Variants in TMEM117 observed in about 807,000 individuals in gnomAD.
The protein encoded by TMEM117 is transmembrane protein 117.
Under a neutral mutation model 52.4 loss-of-function variants are expected in TMEM117, and 27 were observed. The observed-to-expected ratio is 0.51, with a 90% CI of 0.38 to 0.71. The LOEUF is 0.71. Among genes scored for constraint, TMEM117 ranks in the 30% least tolerant of loss-of-function variants. The probability of loss-of-function intolerance (pLI) is 0.00; values close to 1 mark genes in which losing one functional copy is unlikely to be tolerated. For synonymous variants in TMEM117, 215 were observed against 206.3 expected, an observed-to-expected ratio of 1.04 and a Z score of -0.36; for missense variants, 556 against 630.5, an observed-to-expected ratio of 0.88 and a Z score of 1.26.
chr12:44,076,110 A>G (rs1247878095), intron 3 of TMEM117, among the ~76,000 whole-genome samples: 3 of 152,240 alleles, frequency 2.0e-5, no homozygotes, highest in African/African-American at 2.4e-5. Context: ...GATGCCAGGT[A>G]GTACCTCAGG....
chr12:44,265,643 T>C (rs1379790385), intron 5 of TMEM117, among the ~76,000 whole-genome samples: 3 of 152,150 alleles, frequency 2.0e-5, no homozygotes, highest in African/African-American at 4.8e-5. Flanking sequence ...TTTTAAACTA[T>C]ACAATTTAGT....
intron 4 of TMEM117, among the ~76,000 whole-genome samples, chr12:44,158,221 T>C (rs1323740217): frequency 1.3e-5 from 2 of 152,208 alleles, no homozygotes; most frequent in South Asian, 2.1e-4. Context: ...CTCTGCGTTA[T>C]GTTTCCACAA....
intron 4 of TMEM117, among the ~76,000 whole-genome samples, chr12:44,152,227 ATATAAT>A (rs1948744334): frequency 9.2e-6 from 1 of 109,046 alleles, no homozygotes; most frequent in African/African-American, 3.8e-5. Context: ...TATATTATAA[ATATAAT>A]TATATATATA....
At chr12:44,160,491 A>T (rs1948884387) in intron 4 of TMEM117, among the ~76,000 whole-genome samples, 1 of 152,320 alleles carries the variant, frequency 6.6e-6, no homozygotes, top group African/African-American at 2.4e-5. Flanking sequence ...GTATTGAATA[A>T]GTTGGATTTC....
intron 5 of TMEM117, among the ~76,000 whole-genome samples, chr12:44,264,700 G>A (rs948326737): frequency 2.0e-5 from 3 of 151,836 alleles, no homozygotes; most frequent in African/African-American, 7.3e-5. Context: ...GCTTTTTCTA[G>A]GTAACATAAA....
At chr12:44,214,138 A>ATTTTTTTTTTTT in intron 5 of TMEM117, among the ~76,000 whole-genome samples, 1 of 99,278 alleles carries the variant, frequency 1.0e-5, no homozygotes, top group Non-Finnish European at 2.1e-5. Context: ...TTTTTTTTTA[A>ATTTTTTTTTTTT]TTTTTTTTTT....
intron 6 of TMEM117, among the ~76,000 whole-genome samples, chr12:44,311,787 GTATATATATGTATATATGTATATATGTA>G (rs1565701307): frequency 8.2e-4 from 16 of 19,434 alleles, no homozygotes; most frequent in South Asian, 4.9e-3. Context: ...GTGTATATAT[GTATATATATGTATATATGTATATATGTA>G]TATATATGTA....
intron 3 of TMEM117, among the ~76,000 whole-genome samples, chr12:44,014,852 A>G (rs1361413103): frequency 4.7e-5 from 7 of 150,090 alleles, no homozygotes; most frequent in African/African-American, 1.2e-4. Context: ...TTTTTTTTCT[A>G]TGTTCTGTGA....
chr12:43,996,852 T>A (rs925013374), intron 3 of TMEM117, among the ~76,000 whole-genome samples: 6 of 151,972 alleles, frequency 3.9e-5, no homozygotes, highest in Non-Finnish European at 7.4e-5. Context: ...AGGAAAAAAA[T>A]TTTAACTTGG....
intron 5 of TMEM117, among the ~76,000 whole-genome samples, chr12:44,214,637 A>T (rs1949692574): frequency 6.6e-6 from 1 of 152,198 alleles, no homozygotes; most frequent in African/African-American, 2.4e-5. Flanking sequence ...CTTTCTGTAA[A>T]ATTATTAATA....
intron 3 of TMEM117, among the ~76,000 whole-genome samples, chr12:43,954,576 A>G (rs910334666): frequency 1.3e-5 from 2 of 152,138 alleles, no homozygotes; most frequent in African/African-American, 4.8e-5. Flanking sequence ...GGACCCATAA[A>G]CCCTCCTAAG....
intron 1 of TMEM117, among the ~76,000 whole-genome samples, chr12:43,841,104 C>G (rs1369972158): frequency 6.6e-6 from 1 of 152,110 alleles, no homozygotes; most frequent in Non-Finnish European, 1.5e-5. Context: ...AAATTTGGGA[C>G]CCTCTAGAAG....
intron 3 of TMEM117, among the ~76,000 whole-genome samples, chr12:43,996,657 T>TAAATAAAC (rs959498019): frequency 6.6e-6 from 1 of 151,398 alleles, no homozygotes; most frequent in Non-Finnish European, 1.5e-5. Flanking sequence ...AATAAATAAA[T>TAAATAAAC]AAATAAATAA....
At chr12:44,272,286 C>T (rs1950455961) in intron 5 of TMEM117, among the ~76,000 whole-genome samples, 1 of 152,046 alleles carries the variant, frequency 6.6e-6, no homozygotes, top group Non-Finnish European at 1.5e-5. Context: ...AGGACCTAAT[C>T]ACTTCACCAC....
Position 43,906,847 on chromosome 12 carries a change from C to T in TMEM117, c.278-37363C>T, listed in dbSNP as rs755181121. 2.0e-5 allele frequency among the ~76,000 whole-genome samples: 3 copies of T among 151,404 alleles called. No homozygotes were observed. In the South Asian group the frequency reaches 6.3e-4, roughly 32 times the overall value. Reference sequence around the variant, plus strand: ...CTGCACCTGGCTCGGAGGGTCCTACCCCCACGGAGTCTCGCTGATTGCTAG... The same window carrying T: ...CTGCACCTGGCTCGGAGGGTCCTACTCCCACGGAGTCTCGCTGATTGCTAG... On this transcript the variant is annotated intron_variant, in intron 2 of 7. Transcript: ENST00000266534.
intron 3 of TMEM117, among the ~76,000 whole-genome samples, chr12:44,040,839 A>G (rs1946785657): frequency 6.6e-6 from 1 of 152,234 alleles, no homozygotes; most frequent in Admixed American, 6.5e-5. Context: ...AGTGGGTGTC[A>G]GATTTCATAG....
chr12:43,798,514 AT>A, the TMEM117 span: 1 of 1,474,582 alleles, frequency 6.8e-7, no homozygotes, highest in Middle Eastern at 1.8e-4. Context: ...ATTCTACAGC[AT>A]AAATGATATT....
At chr12:44,015,148 A>G (rs890671680) in intron 3 of TMEM117, among the ~76,000 whole-genome samples, 2 of 152,148 alleles carry the variant, frequency 1.3e-5, no homozygotes, top group East Asian at 3.9e-4. Context: ...CGTACTGTCT[A>G]CAAGATCTGT....
intron 2 of TMEM117, among the ~76,000 whole-genome samples, chr12:43,915,198 C>A (rs1944580849): frequency 6.6e-6 from 1 of 152,120 alleles, no homozygotes; most frequent in Non-Finnish European, 1.5e-5. Flanking sequence ...GGAGGCTTGG[C>A]CACCCCTCAG....
Sources: allele counts gnomAD v4.1 joint callset (sites outside exome capture counted in the v4.1 genomes callset), GRCh38; gene constraint gnomAD v4.1.1; transcripts MANE v1.5; gene names NCBI Gene and HGNC (gene_info 2026-07-23, HGNC 2026-07-21).